The following CRPPA variants were observed in gnomAD, a reference collection of about 807,000 sequenced individuals.
CRPPA encodes the protein D-ribitol-5-phosphate cytidylyltransferase.
A neutral mutation model predicts 52.0 loss-of-function variants in CRPPA; 43 were observed. The ratio of observed to expected loss-of-function variants is 0.83; its 90% CI spans 0.65 to 1.07. CRPPA has a LOEUF of 1.07. Ranked by LOEUF, CRPPA falls within the 50% of genes least tolerant of loss-of-function variation. The probability of loss-of-function intolerance (pLI) is 0.00; values close to 1 mark genes in which losing one functional copy is unlikely to be tolerated. For missense variants in CRPPA, 629 were observed against 551.7 expected (o/e 1.14, Z -1.40); for synonymous variants, 250 against 203.5 (o/e 1.23, Z -1.94).
chr7:16,164,739 G>C (rs1355055206), intron 9 of CRPPA, among the ~76,000 whole-genome samples: 1 of 152,150 alleles, frequency 6.6e-6, no homozygotes, highest in Non-Finnish European at 1.5e-5. Flanking sequence ...TTTTCTGTTT[G>C]TTAGTTTTCC....
At chr7:16,145,388 A>G (rs1333074548) in intron 9 of CRPPA, among the ~76,000 whole-genome samples, 1 of 152,214 alleles carries the variant, frequency 6.6e-6, no homozygotes, top group Non-Finnish European at 1.5e-5. Flanking sequence ...TCTATAAAAA[A>G]TGAAAGCACA....
intron 5 of CRPPA, among the ~76,000 whole-genome samples, chr7:16,300,598 G>A (rs759967332): frequency 6.6e-6 from 1 of 152,164 alleles, no homozygotes; most frequent in East Asian, 1.9e-4. Flanking sequence ...GTCAAAACCA[G>A]GGGAAGGGGA....
chr7:16,368,865 T>G (rs1786676759), intron 3 of CRPPA, among the ~76,000 whole-genome samples: 1 of 152,174 alleles, frequency 6.6e-6, no homozygotes, highest in Non-Finnish European at 1.5e-5. Context: ...TCTTAGAGAT[T>G]TAAGGGGATT....
intron 9 of CRPPA, among the ~76,000 whole-genome samples, chr7:16,104,779 A>G (rs1782116106): frequency 1.3e-5 from 2 of 152,112 alleles, no homozygotes; most frequent in Admixed American, 6.5e-5. Flanking sequence ...GTGCGCCTGT[A>G]GTCCCAGCTA....
In CRPPA at chr7:16,132,711, A is replaced by C. The variant is rs1366935016; in HGVS notation, c.1252-40912T>G. On this transcript the variant is annotated intron_variant, in intron 9 of 9. Transcript: ENST00000407010. Reference sequence around the variant, plus strand: ...AAATTTACTGAAAATTTTTTTGGAGATTTGCAACAACTTGTAAAAATTGGC... The same window carrying C: ...AAATTTACTGAAAATTTTTTTGGAGCTTTGCAACAACTTGTAAAAATTGGC... Among the ~76,000 whole-genome samples, 9 of 124,436 alleles carry C rather than the reference A, an allele frequency of 7.2e-5. 2 individuals carry two copies. The Admixed American group carries it at 7.3e-4, about 10-fold the overall frequency. 81.6% of individuals were successfully genotyped at this position (124,436 alleles called of 152,430 possible).
chr7:16,307,886 A>G (rs1318194025), intron 4 of CRPPA, among the ~76,000 whole-genome samples: 1 of 148,330 alleles, frequency 6.7e-6, no homozygotes, highest in Non-Finnish European at 1.5e-5. Flanking sequence ...ACTGCAGGCA[A>G]AGTTGTAGCT....
At chr7:16,125,725 A>G (rs1782565683) in intron 9 of CRPPA, among the ~76,000 whole-genome samples, 2 of 152,276 alleles carry the variant, frequency 1.3e-5, no homozygotes, top group South Asian at 4.1e-4. Flanking sequence ...TGAGTTCAAA[A>G]TTTATCAAAA....
chr7:16,209,567 C>T (rs1782076064), intron 9 of CRPPA, among the ~76,000 whole-genome samples: 1 of 152,152 alleles, frequency 6.6e-6, no homozygotes, highest in African/African-American at 2.4e-5. Context: ...CCATGGCGCC[C>T]AGCCCTAAGT....
At chr7:16,235,227 C>A (rs1782915952) in intron 8 of CRPPA, among the ~76,000 whole-genome samples, 1 of 151,996 alleles carries the variant, frequency 6.6e-6, no homozygotes, top group Non-Finnish European at 1.5e-5. Flanking sequence ...AAAAGACTTT[C>A]AAACATTTAA....
At chr7:16,212,505 C>T (rs542515636) in intron 9 of CRPPA, among the ~76,000 whole-genome samples, 3 of 152,188 alleles carry the variant, frequency 2.0e-5, no homozygotes, top group Admixed American at 1.3e-4. Context: ...GAACAGTTCC[C>T]TCTCTGAACT....
At chr7:16,285,902 TC>T (rs1784416958) in intron 5 of CRPPA, among the ~76,000 whole-genome samples, 1 of 147,910 alleles carries the variant, frequency 6.8e-6, no homozygotes, top group African/African-American at 2.5e-5. Flanking sequence ...ATGCCTGTAA[TC>T]CCATCTACTT....
intron 9 of CRPPA, among the ~76,000 whole-genome samples, chr7:16,120,353 C>T (rs1382040458): frequency 1.3e-5 from 2 of 152,134 alleles, no homozygotes; most frequent in African/African-American, 4.8e-5. Flanking sequence ...TCTCATCACC[C>T]TGGTCTGCCT....
intron 9 of CRPPA, among the ~76,000 whole-genome samples, chr7:16,098,301 A>T (rs936524439): frequency 1.3e-5 from 2 of 152,308 alleles, no homozygotes; most frequent in Non-Finnish European, 2.9e-5. Context: ...TAAAAGGAAA[A>T]CTATAAAGTT....
At chr7:16,301,815 G>T (rs545543932) in intron 4 of CRPPA, among the ~76,000 whole-genome samples, 1 of 152,046 alleles carries the variant, frequency 6.6e-6, no homozygotes. Context: ...AAAAAGGTAG[G>T]GTGGAAGTCT....
chr7:16,293,000 T>C (rs1438188399), intron 5 of CRPPA, among the ~76,000 whole-genome samples: 1 of 151,994 alleles, frequency 6.6e-6, no homozygotes, highest in Non-Finnish European at 1.5e-5. Context: ...TACACACAGC[T>C]TCTGCTTTAC....
chr7:16,289,599 A>T (rs1445941325), intron 5 of CRPPA, among the ~76,000 whole-genome samples: 4 of 152,200 alleles, frequency 2.6e-5, no homozygotes, highest in Non-Finnish European at 5.9e-5. Context: ...CTCTTAATAG[A>T]CATAGAAAAA....
intron 9 of CRPPA, among the ~76,000 whole-genome samples, chr7:16,102,499 G>T (rs1782066903): frequency 6.6e-6 from 1 of 152,014 alleles, no homozygotes; most frequent in Admixed American, 6.6e-5. Context: ...CAACAGAAAT[G>T]ATCATCAAAA....
intron 9 of CRPPA, among the ~76,000 whole-genome samples, chr7:16,180,756 C>A (rs1781396079): frequency 6.6e-6 from 1 of 152,028 alleles, no homozygotes; most frequent in African/African-American, 2.4e-5. Context: ...GGAAAGAAGT[C>A]CTTTATAAAA....
intron 4 of CRPPA, among the ~76,000 whole-genome samples, chr7:16,303,538 A>G (rs1784840488): frequency 6.7e-6 from 1 of 148,950 alleles, no homozygotes; most frequent in African/African-American, 2.5e-5. Context: ...ACTATCTCCA[A>G]TAATTTAAGG....
Sources: allele counts gnomAD v4.1 joint callset (sites outside exome capture counted in the v4.1 genomes callset), GRCh38; gene constraint gnomAD v4.1.1; transcripts MANE v1.5; gene names NCBI Gene and HGNC (gene_info 2026-07-23, HGNC 2026-07-21).